LARGE1: variants seen among roughly 807,000 people sequenced by gnomAD.
The protein encoded by LARGE1 is LARGE xylosyl- and glucuronyltransferase 1.
Under a neutral mutation model 87.6 loss-of-function variants are expected in LARGE1, and 43 were observed. The observed-to-expected ratio is 0.49, with a 90% confidence interval of 0.38 to 0.63. The LOEUF (loss-of-function observed/expected upper bound fraction) is 0.63, where lower values mean the gene tolerates loss of function less well. LARGE1 is among the 30% of genes least tolerant of loss of function. The pLI is 0.00. For missense variants in LARGE1, 802 were observed against 1,000.2 expected (o/e 0.80, Z 2.67); for synonymous variants, 434 against 394.6 (o/e 1.10, Z -1.18).
At chr22:33,759,635 G>T (rs1404718487) in intron 2 of LARGE1, among the ~76,000 whole-genome samples, 3 of 152,114 alleles carry the variant, frequency 2.0e-5, no homozygotes, top group Non-Finnish European at 4.4e-5. Flanking sequence ...CACAGTGTCT[G>T]TCATCACTGT....
In LARGE1 at chr22:33,273,533, G is replaced by C. The variant is rs565363456; in HGVS notation, c.*894C>G. Reference sequence around the variant, plus strand: ...ATCAGTCACTGCCAATAGAAAATGTGACCGGTGTAAAACAGCCAGCCCTCG... The same window carrying C: ...ATCAGTCACTGCCAATAGAAAATGTCACCGGTGTAAAACAGCCAGCCCTCG... On this transcript the variant is annotated 3_prime_UTR_variant, in exon 15 of 15. Transcript: ENST00000397394. 1.3e-5 allele frequency: 5 copies of C among 398,754 alleles called. No homozygotes were observed. In the East Asian group the frequency reaches 1.8e-4, roughly 14 times the overall value. The allele number at this position is 398,754 out of a possible 1,614,324, so 24.7% of individuals were successfully genotyped here.
At chr22:33,241,490 G>A (rs555064918) in intron 11 of LARGE1, among the ~76,000 whole-genome samples, 1 of 151,828 alleles carries the variant, frequency 6.6e-6, no homozygotes, top group East Asian at 1.9e-4. Flanking sequence ...TCCATCATAT[G>A]TATTAAGTGA....
chr22:33,395,242 A>AAAAAAC (rs2065693198), intron 7 of LARGE1, among the ~76,000 whole-genome samples: 2 of 151,406 alleles, frequency 1.3e-5, no homozygotes, highest in South Asian at 4.2e-4. Context: ...AAAAAAAAAA[A>AAAAAAC]AAAAAGCCAG....
At chr22:33,712,144 GA>G (rs2082748671) in intron 2 of LARGE1, among the ~76,000 whole-genome samples, 1 of 152,058 alleles carries the variant, frequency 6.6e-6, no homozygotes, top group African/African-American at 2.4e-5. Flanking sequence ...TCAACCCCAG[GA>G]AGTTTGAGTC....
At chr22:33,563,898 G>GAGT in intron 6 of LARGE1, among the ~76,000 whole-genome samples, 2 of 152,288 alleles carry the variant, frequency 1.3e-5, no homozygotes, top group South Asian at 4.1e-4. Flanking sequence ...AGGAAGCAGG[G>GAGT]AGTGACCAGG....
chr22:33,822,938 G>A (rs2062682055), intron 1 of LARGE1, among the ~76,000 whole-genome samples: 1 of 152,138 alleles, frequency 6.6e-6, no homozygotes, highest in African/African-American at 2.4e-5. Flanking sequence ...TCTGGCCACA[G>A]TGATCTATGA....
At chr22:33,332,461 C>T (rs985358035) in intron 10 of LARGE1, among the ~76,000 whole-genome samples, 25 of 152,110 alleles carry the variant, frequency 1.6e-4, no homozygotes, top group East Asian at 1.9e-4. Context: ...ATGTCTTTAT[C>T]AGCAGCGTGA....
At chr22:33,703,870 C>T (rs1460606316) in intron 2 of LARGE1, among the ~76,000 whole-genome samples, 3 of 152,176 alleles carry the variant, frequency 2.0e-5, no homozygotes, top group Non-Finnish European at 4.4e-5. Context: ...TGATTTGATA[C>T]AGTAGCAACA....
At position 33,601,119 on chromosome 22, in the gene LARGE1, G is replaced by C. The variant is rs560196055; in HGVS notation, c.615+3316C>G. On this transcript the variant is annotated intron_variant, in intron 5 of 14. Transcript: ENST00000397394. ...TGTGGCCTCTAGCTCAGAGCAGTAG[G>C]AAACCAGAAAAGGTTTTACCCAGAG... 2.0e-5 allele frequency among the ~76,000 whole-genome samples: 3 copies of C among 152,292 alleles called. No individual in the cohort carries two copies. The East Asian group carries it at 5.8e-4, about 29-fold the overall frequency.
chr22:33,374,249 C>T (rs571903402), intron 9 of LARGE1, among the ~76,000 whole-genome samples: 68 of 152,244 alleles, frequency 4.5e-4, no homozygotes, highest in African/African-American at 1.5e-3. Flanking sequence ...TTCATCAGGT[C>T]GACTACCTGG....
At chr22:33,595,588 C>G (rs1031933872) in intron 5 of LARGE1, among the ~76,000 whole-genome samples, 3 of 152,210 alleles carry the variant, frequency 2.0e-5, no homozygotes, top group Non-Finnish European at 2.9e-5. Flanking sequence ...GCTCCATACA[C>G]TGTCATTTCA....
chr22:33,342,734 T>A (rs9621681), intron 9 of LARGE1, among the ~76,000 whole-genome samples: 3 of 152,130 alleles, frequency 2.0e-5, no homozygotes, highest in Non-Finnish European at 4.4e-5. Context: ...CCGCTCTGCA[T>A]CTGTCTAGTT....
At chr22:33,513,612 T>C (rs1370455109) in intron 6 of LARGE1, among the ~76,000 whole-genome samples, 1 of 151,920 alleles carries the variant, frequency 6.6e-6, no homozygotes, top group Non-Finnish European at 1.5e-5. Context: ...AACAAACACA[T>C]GCAAGAGAGG....
chr22:33,512,884 G>T (rs1246113570), intron 6 of LARGE1, among the ~76,000 whole-genome samples: 1 of 152,148 alleles, frequency 6.6e-6, no homozygotes, highest in Non-Finnish European at 1.5e-5. Context: ...ATTTTCTCTT[G>T]TCTTCAACAT....
intron 1 of LARGE1, among the ~76,000 whole-genome samples, chr22:33,768,681 A>C (rs2084978819): frequency 6.6e-6 from 1 of 152,174 alleles, no homozygotes; most frequent in Non-Finnish European, 1.5e-5. Flanking sequence ...ATCTCTCTTC[A>C]TTCGACTAAA....
At chr22:33,830,494 C>T (rs2062933664) in intron 1 of LARGE1, among the ~76,000 whole-genome samples, 1 of 152,188 alleles carries the variant, frequency 6.6e-6, no homozygotes, top group Non-Finnish European at 1.5e-5. Context: ...TCCAGCTCTG[C>T]TACTTATCAG....
chr22:33,742,931 A>G (rs944707203), intron 2 of LARGE1, among the ~76,000 whole-genome samples: 9 of 151,992 alleles, frequency 5.9e-5, no homozygotes, highest in African/African-American at 1.7e-4. Context: ...CTAATCTCCA[A>G]TGTTAGCAGT....
chr22:33,777,056 A>G lies in LARGE1; in HGVS notation c.-82-15498T>C, dbSNP rs1025021254. Among the ~76,000 whole-genome samples the G allele has an allele frequency of 2.6e-5, 4 of 152,308 alleles. No individual in the cohort carries two copies. In the South Asian group the frequency reaches 8.3e-4, roughly 32 times the overall value. ...AACATAAGTTGGGAGCCAGGGACACATGATTCTCAGGAAAAAATGAGCTGA... is the reference window on the plus strand; with the variant it reads ...AACATAAGTTGGGAGCCAGGGACACGTGATTCTCAGGAAAAAATGAGCTGA... On this transcript the variant is annotated intron_variant, in intron 1 of 14. Coordinates refer to ENST00000397394, the MANE Select transcript of LARGE1 (RefSeq NM_133642.5).
chr22:33,808,468 A>G lies in LARGE1; in HGVS notation c.-82-46910T>C, dbSNP rs1342854911. ...GCAGCCCCTCCCTGCCCCTACCACC[A>G]AGGTGCTTGGCACAAATAGGTTGGG... On this transcript the variant is annotated intron_variant, in intron 1 of 14. Coordinates refer to ENST00000397394, the MANE Select transcript of LARGE1 (RefSeq NM_133642.5). Among the ~76,000 whole-genome samples, 3 of 152,222 alleles carry G rather than the reference A, an allele frequency of 2.0e-5. 1 individual carries two copies. The highest frequency in any genetic ancestry group is 4.4e-5 in the Non-Finnish European group (3 of 68,032).
Sources: gnomAD v4.1 joint callset for allele counts (sites outside exome capture counted in the v4.1 genomes callset) on GRCh38, gnomAD v4.1.1 for gene constraint, MANE v1.5 for transcripts, NCBI Gene and HGNC (gene_info 2026-07-23, HGNC 2026-07-21) for gene names.